MIS18A: variants seen among roughly 807,000 people sequenced by gnomAD.
The protein encoded by MIS18A is MIS18 kinetochore protein A.
A neutral mutation model predicts 25.0 loss-of-function variants in MIS18A; 14 were observed. The ratio of observed to expected loss-of-function variants is 0.56; its 90% CI spans 0.37 to 0.88. The LOEUF (loss-of-function observed/expected upper bound fraction) is 0.88, where lower values mean the gene tolerates loss of function less well. MIS18A is among the 40% of genes least tolerant of loss of function. The pLI is 0.00. For missense variants in MIS18A, 292 were observed against 290.8 expected (o/e 1.00, Z -0.03); for synonymous variants, 134 against 118.6 (o/e 1.13, Z -0.84).
chr21:32,253,333 T>C, the MIS18A span, among the ~76,000 whole-genome samples: 1 of 152,164 alleles, frequency 6.6e-6, no homozygotes, highest in East Asian at 1.9e-4. Context: ...AGCTGAGGAT[T>C]GTCCCTTTGG....
chr21:32,240,353 C>T, the MIS18A span, among the ~76,000 whole-genome samples: 7 of 152,306 alleles, frequency 4.6e-5, no homozygotes, highest in South Asian at 2.1e-4. Flanking sequence ...TTGTCCCTTC[C>T]GCCACATGAG....
At chr21:32,234,120 G>A in the MIS18A span, among the ~76,000 whole-genome samples, 1 of 152,186 alleles carries the variant, frequency 6.6e-6, no homozygotes, top group African/African-American at 2.4e-5. Flanking sequence ...TGTGACAAAT[G>A]TACCATAGCA....
rs1379907723 is a variant in MIS18A at position 32,268,240 on chromosome 21, T to C, written c.*797A>G. On this transcript the variant is annotated 3_prime_UTR_variant, in exon 5 of 5. Coordinates refer to ENST00000290130, the MANE Select transcript of MIS18A (RefSeq NM_018944.3). ...AATCTTAAAGCACTTTGTTTTAATC[T>C]TTATTCTCTTCAATTAGAAAAATAC... is the stretch of plus-strand genomic sequence containing the variant. 1 of 152,212 alleles carries C rather than the reference T, an allele frequency of 6.6e-6. No individual in the cohort carries two copies. Among genetic ancestry groups the C allele is most frequent in the Non-Finnish European group, 1.5e-5 (1 of 68,044 alleles). The allele number at this position is 152,212 out of a possible 1,614,324, so 9.4% of individuals were successfully genotyped here.
At chr21:32,161,252 G>C in the MIS18A span, among the ~76,000 whole-genome samples, 1 of 152,112 alleles carries the variant, frequency 6.6e-6, no homozygotes, top group African/African-American at 2.4e-5. Context: ...ACATTTCATT[G>C]TTGTGTCTCC....
the MIS18A span, among the ~76,000 whole-genome samples, chr21:32,238,960 T>G: frequency 0.017 from 2,629 of 152,192 alleles, 41 homozygotes; most frequent in Non-Finnish European, 0.027. Flanking sequence ...GAAAAAAAAA[T>G]ACCTCTTTTA....
intron 2 of MIS18A, among the ~76,000 whole-genome samples, chr21:32,272,654 C>T (rs2833754): frequency 0.062 from 9,446 of 152,266 alleles, 378 homozygotes; most frequent in Middle Eastern, 0.13. Flanking sequence ...TTTGTTTTCA[C>T]TGTAATTATC....
chr21:32,174,058 G>A, the MIS18A span, among the ~76,000 whole-genome samples: 2 of 138,492 alleles, frequency 1.4e-5, no homozygotes, highest in African/African-American at 5.4e-5. Flanking sequence ...TCCACCTCCC[G>A]GGTTCAAGCG....
At chr21:32,257,125 T>C in the MIS18A span, among the ~76,000 whole-genome samples, 3 of 152,196 alleles carry the variant, frequency 2.0e-5, no homozygotes, top group Admixed American at 1.3e-4. Context: ...GCTGACTCAC[T>C]TAAGTTTCGA....
At chr21:32,253,268 T>A in the MIS18A span, among the ~76,000 whole-genome samples, 13 of 152,062 alleles carry the variant, frequency 8.5e-5, no homozygotes, top group Admixed American at 4.6e-4. Context: ...TTTCTCCCAA[T>A]GCTTCTGCAT....
At chr21:32,154,908 A>G in the MIS18A span, among the ~76,000 whole-genome samples, 1 of 152,218 alleles carries the variant, frequency 6.6e-6, no homozygotes, top group Non-Finnish European at 1.5e-5. Context: ...AGGCCAGCAG[A>G]AAAACCAAAA....
chr21:32,258,406 A>G, the MIS18A span, among the ~76,000 whole-genome samples: 1 of 152,260 alleles, frequency 6.6e-6, no homozygotes, highest in East Asian at 1.9e-4. Flanking sequence ...ACAGGAGTGA[A>G]GGGATAAAGT....
the MIS18A span, among the ~76,000 whole-genome samples, chr21:32,171,040 C>G: frequency 2.0e-5 from 3 of 151,960 alleles, no homozygotes; most frequent in Non-Finnish European, 2.9e-5. Context: ...TACTTAATGA[C>G]GAAAGACTGA....
At chr21:32,221,382 G>A in the MIS18A span, among the ~76,000 whole-genome samples, 1 of 152,238 alleles carries the variant, frequency 6.6e-6, no homozygotes, top group Non-Finnish European at 1.5e-5. Flanking sequence ...GCCAAACTAA[G>A]CTTCATAAGT....
the MIS18A span, among the ~76,000 whole-genome samples, chr21:32,170,541 G>GA: frequency 1.3e-5 from 2 of 151,468 alleles, no homozygotes; most frequent in African/African-American, 2.4e-5. Flanking sequence ...GATGGCAGAA[G>GA]AAAAAAATAG....
the MIS18A span, among the ~76,000 whole-genome samples, chr21:32,162,185 G>A: frequency 6.6e-6 from 1 of 151,936 alleles, no homozygotes; most frequent in Non-Finnish European, 1.5e-5. Flanking sequence ...CATTACCATC[G>A]CAGCGAGCTC....
At chr21:32,271,410 C>G (rs2031712286) in intron 2 of MIS18A, among the ~76,000 whole-genome samples, 1 of 152,190 alleles carries the variant, frequency 6.6e-6, no homozygotes, top group African/African-American at 2.4e-5. Context: ...CAAAAGGGAG[C>G]TACCCAAGAC....
At chr21:32,244,260 G>A in the MIS18A span, among the ~76,000 whole-genome samples, 2 of 152,054 alleles carry the variant, frequency 1.3e-5, no homozygotes, top group African/African-American at 4.8e-5. Context: ...CCAGGGCTGG[G>A]GAGGAAATTG....
At chr21:32,204,498 GA>G in the MIS18A span, among the ~76,000 whole-genome samples, 5 of 142,986 alleles carry the variant, frequency 3.5e-5, no homozygotes, top group African/African-American at 1.3e-4. Context: ...TTCCATCTCA[GA>G]AAAAAAAGAA....
the MIS18A span, among the ~76,000 whole-genome samples, chr21:32,256,235 A>C: frequency 6.6e-6 from 1 of 152,192 alleles, no homozygotes; most frequent in African/African-American, 2.4e-5. Flanking sequence ...GGGCCACCCC[A>C]AATTGTGCTC....
Sources: allele counts gnomAD v4.1 joint callset (sites outside exome capture counted in the v4.1 genomes callset), GRCh38; gene constraint gnomAD v4.1.1; transcripts MANE v1.5; gene names NCBI Gene and HGNC (gene_info 2026-07-23, HGNC 2026-07-21).